Variants in CDH12 observed in about 807,000 individuals in gnomAD.
CDH12 encodes the protein cadherin 12.
In CDH12, 41 loss-of-function variants were observed where a neutral mutation model predicts 74.1. The observed-to-expected ratio is 0.55, with a 90% CI of 0.43 to 0.72. The LOEUF is 0.72. CDH12 is among the 30% of genes least tolerant of loss of function. The pLI, the probability that CDH12 is intolerant of heterozygous loss-of-function variation, is 0.00. For missense variants in CDH12, 945 were observed against 977.2 expected (o/e 0.97, Z 0.44); for synonymous variants, 399 against 355.0 (o/e 1.12, Z -1.39).
chr5:21,875,896 A>T (rs368335444), intron 6 of CDH12, among the ~76,000 whole-genome samples: 41 of 136,764 alleles, frequency 3.0e-4, no homozygotes, highest in Admixed American at 5.2e-4. Flanking sequence ...CTTTGCGGGC[A>T]TTTTTTTTTT....
rs548224938 is a variant in CDH12, at chr5:22,476,363, C to T, written c.-428+28907G>A. Among the ~76,000 whole-genome samples, 102 of 152,146 alleles carry T rather than the reference C, an allele frequency of 6.7e-4. 2 individuals carry two copies. Among genetic ancestry groups the T allele is most frequent in the African/African-American group, 2.4e-3 (99 of 41,548 alleles). On this transcript the variant is annotated intron_variant, in intron 2 of 14. Coordinates refer to ENST00000382254, the MANE Select transcript of CDH12 (RefSeq NM_004061.5). ...TTATTGTTTATTGAATGGTACACAT[C>T]ATTCATATTAAATAGTACAATTAAA...
intron 1 of CDH12, among the ~76,000 whole-genome samples, chr5:22,568,676 C>A (rs576217627): frequency 5.9e-5 from 9 of 152,170 alleles, no homozygotes; most frequent in Admixed American, 2.6e-4. Context: ...ATAATAAATA[C>A]AGGCACAGCT....
At chr5:21,915,824 G>GTA (rs1754063214) in intron 6 of CDH12, among the ~76,000 whole-genome samples, 3 of 115,056 alleles carry the variant, frequency 2.6e-5, no homozygotes, top group Admixed American at 2.5e-4. Flanking sequence ...CATTTGTGCT[G>GTA]TGTGTGTGTG....
chr5:22,307,947 C>T (rs1200445186), intron 3 of CDH12, among the ~76,000 whole-genome samples: 2 of 121,536 alleles, frequency 1.6e-5, no homozygotes, highest in Admixed American at 1.2e-4. Flanking sequence ...GTGGCGCGAT[C>T]TCGGCTCACT....
chr5:21,813,202 G>C (rs13178998), intron 9 of CDH12, among the ~76,000 whole-genome samples: 1 of 152,086 alleles, frequency 6.6e-6, no homozygotes, highest in African/African-American at 2.4e-5. Context: ...GGCGAGGCCA[G>C]GTGTGGTGGC....
rs1311232974 is a variant in CDH12 at position 22,830,065 on chromosome 5, A to G, written c.-523+22993T>C. The stretch of plus-strand genomic sequence containing the variant: ...GCTAAATGATTTTTTAAAAGGCTAA[A>G]TCAAAGCCTACTTTTGCTATAAAAT... On this transcript the variant is annotated intron_variant, in intron 1 of 14. Coordinates refer to ENST00000382254, the MANE Select transcript of CDH12 (RefSeq NM_004061.5). Among the ~76,000 whole-genome samples, 7 of 152,300 alleles carry G rather than the reference A, an allele frequency of 4.6e-5. No individual in the cohort carries two copies. In the East Asian group the frequency reaches 1.2e-3, roughly 25 times the overall value.
chr5:22,560,167 G>C (rs555681329), intron 1 of CDH12, among the ~76,000 whole-genome samples: 94 of 152,216 alleles, frequency 6.2e-4, no homozygotes, highest in African/African-American at 2.1e-3. Flanking sequence ...TGGTTTCAAG[G>C]TTTCAGTTAC....
chr5:22,706,586 A>G (rs1262822843), intron 1 of CDH12, among the ~76,000 whole-genome samples: 2 of 152,138 alleles, frequency 1.3e-5, no homozygotes, highest in African/African-American at 4.8e-5. Context: ...ATAATGTTAC[A>G]TATCTCAATT....
chr5:22,684,148 T>A (rs528221932), intron 1 of CDH12, among the ~76,000 whole-genome samples: 2 of 152,146 alleles, frequency 1.3e-5, no homozygotes, highest in African/African-American at 4.8e-5. Context: ...TAAAAAATAC[T>A]CTTTAAATCA....
intron 3 of CDH12, among the ~76,000 whole-genome samples, chr5:22,301,869 A>G (rs990848536): frequency 2.0e-5 from 3 of 151,696 alleles, no homozygotes; most frequent in Admixed American, 6.6e-5. Context: ...GAGTCTCACC[A>G]TGTTGCCCAG....
intron 2 of CDH12, among the ~76,000 whole-genome samples, chr5:22,422,528 G>T (rs1743697256): frequency 6.6e-6 from 1 of 151,942 alleles, no homozygotes. Flanking sequence ...TTGGCCTAAG[G>T]TTTCCTTTTT....
intron 5 of CDH12, among the ~76,000 whole-genome samples, chr5:22,019,595 T>C (rs944963192): frequency 1.3e-5 from 2 of 152,120 alleles, no homozygotes; most frequent in Admixed American, 1.3e-4. Flanking sequence ...GGCAAGAAGA[T>C]GTTGACCTGC....
intron 3 of CDH12, among the ~76,000 whole-genome samples, chr5:22,350,494 T>A (rs894698325): frequency 3.9e-5 from 6 of 152,184 alleles, no homozygotes; most frequent in Non-Finnish European, 7.4e-5. Flanking sequence ...TTTTTATTAC[T>A]TTGGATACAA....
Position 22,020,447 on chromosome 5 carries a change from G to A in CDH12, c.232-45062C>T, listed in dbSNP as rs540193709. On this transcript the variant is annotated intron_variant, in intron 5 of 14. Transcript: ENST00000382254. Reference sequence around the variant, plus strand: ...TGCAAGCCTGTAATCTCTGCTACTCGGGGGGCTGAGGCAGGGGAATCGCTT... The same window carrying A: ...TGCAAGCCTGTAATCTCTGCTACTCAGGGGGCTGAGGCAGGGGAATCGCTT... Among the ~76,000 whole-genome samples the A allele has an allele frequency of 2.0e-3, 310 of 151,988 alleles. 4 individuals carry two copies. The highest frequency in any genetic ancestry group is 6.9e-3 in the African/African-American group (286 of 41,460).
At chr5:22,374,414 C>T (rs1741434000) in intron 3 of CDH12, among the ~76,000 whole-genome samples, 1 of 152,058 alleles carries the variant, frequency 6.6e-6, no homozygotes, top group African/African-American at 2.4e-5. Context: ...TAAAGTTGTC[C>T]ACTTTTACCA....
At chr5:21,836,177 GT>G (rs1471460334) in intron 8 of CDH12, among the ~76,000 whole-genome samples, 2 of 151,538 alleles carry the variant, frequency 1.3e-5, no homozygotes, top group African/African-American at 4.8e-5. Context: ...GTGTTAACAA[GT>G]TAAAAAACTA....
intron 1 of CDH12, among the ~76,000 whole-genome samples, chr5:22,697,598 A>C (rs115767906): frequency 0.012 from 1,744 of 151,628 alleles, 18 homozygotes; most frequent in Non-Finnish European, 0.016. Flanking sequence ...AAGAAAGAAA[A>C]CATATGTATA....
chr5:22,159,432 G>T (rs1474849581), intron 4 of CDH12, among the ~76,000 whole-genome samples: 1 of 151,946 alleles, frequency 6.6e-6, no homozygotes, highest in Non-Finnish European at 1.5e-5. Context: ...TTGTAGTGTG[G>T]CAGCATGTTT....
chr5:21,912,000 T>C (rs1753878878), intron 6 of CDH12, among the ~76,000 whole-genome samples: 1 of 152,160 alleles, frequency 6.6e-6, no homozygotes, highest in Admixed American at 6.6e-5. Context: ...ACTTGGAAGC[T>C]TATAAAGAGA....
Sources: allele counts gnomAD v4.1 joint callset (sites outside exome capture counted in the v4.1 genomes callset), GRCh38; gene constraint gnomAD v4.1.1; transcripts MANE v1.5; gene names NCBI Gene and HGNC (gene_info 2026-07-23, HGNC 2026-07-21).